The following ASAP2 variants were observed in gnomAD, a reference collection of about 807,000 sequenced individuals.
ASAP2 encodes arf-GAP with SH3 domain, ANK repeat and PH domain-containing protein 2.
In ASAP2, 45 loss-of-function variants were observed where a neutral mutation model predicts 131.4. That is an observed-to-expected ratio of 0.34 (90% CI 0.27 to 0.44). The LOEUF (loss-of-function observed/expected upper bound fraction) is 0.44, where lower values mean the gene tolerates loss of function less well. Among genes scored for constraint, ASAP2 ranks in the 20% least tolerant of loss-of-function variants. ASAP2 has a pLI of 1.00. For synonymous variants in ASAP2, 510 were observed against 503.0 expected (o/e 1.01, Z -0.19); for missense variants, 1,011 against 1,297.0 (o/e 0.78, Z 3.39).
intron 6 of ASAP2, 91 bp from the exon 7 acceptor site, chr2:9,327,732 AAAG>A (rs1158648681): frequency 1.1e-6 from 1 of 882,724 alleles, no homozygotes; most frequent in Non-Finnish European, 1.7e-6. Context: ...AAAAGATGCC[AAAG>A]AAGTAGAAGA....
chr2:9,234,192 T>C (rs1450020439), intron 1 of ASAP2, among the ~76,000 whole-genome samples: 1 of 150,842 alleles, frequency 6.6e-6, no homozygotes, highest in Non-Finnish European at 1.5e-5. Flanking sequence ...AGCAGAGAAG[T>C]CACAAAGCCT....
chr2:9,338,048 C>T (rs1405875315), intron 9 of ASAP2, among the ~76,000 whole-genome samples: 1 of 152,204 alleles, frequency 6.6e-6, no homozygotes, highest in African/African-American at 2.4e-5. Flanking sequence ...CCGTCAGCCT[C>T]GCCTCCTGCC....
intron 5 of ASAP2, among the ~76,000 whole-genome samples, chr2:9,322,832 G>A (rs1022027185): frequency 6.6e-6 from 1 of 152,176 alleles, no homozygotes. Flanking sequence ...GGCTCTGAAT[G>A]CTGATGCCAA....
rs1676936367 is a variant in ASAP2 at position 9,403,584 on chromosome 2, A to G, written c.*257A>G. 2.1e-6 allele frequency: 1 copy of G among 483,032 alleles called. No individual in the cohort carries two copies. The allele number at this position is 483,032 out of a possible 1,614,324, so 29.9% of individuals were successfully genotyped here. On this transcript the variant is annotated 3_prime_UTR_variant, in exon 28 of 28. Transcript: ENST00000281419. ...AACAGGTGAACTGAAAAGTTATTTTAACTATTATACATAATCAAGATCCTG... is the reference window on the plus strand; with the variant it reads ...AACAGGTGAACTGAAAAGTTATTTTGACTATTATACATAATCAAGATCCTG...
intron 1 of ASAP2, among the ~76,000 whole-genome samples, chr2:9,279,005 G>A (rs10192759): frequency 0.097 from 14,734 of 152,226 alleles, 739 homozygotes; most frequent in Admixed American, 0.13. Context: ...AATTCACTTC[G>A]CTGCAGAGGG....
intron 7 of ASAP2, among the ~76,000 whole-genome samples, chr2:9,329,837 C>T (rs964395356): frequency 6.6e-6 from 1 of 152,176 alleles, no homozygotes; most frequent in African/African-American, 2.4e-5. Flanking sequence ...TCCTTTGTGC[C>T]CTCCCTGTCT....
At chr2:9,263,016 G>T (rs1465131447) in intron 1 of ASAP2, among the ~76,000 whole-genome samples, 1 of 152,214 alleles carries the variant, frequency 6.6e-6, no homozygotes, top group African/African-American at 2.4e-5. Flanking sequence ...CTGGGAAGAT[G>T]TGGAAGGCTG....
chr2:9,247,242 C>T (rs920015930), intron 1 of ASAP2, among the ~76,000 whole-genome samples: 1 of 152,182 alleles, frequency 6.6e-6, no homozygotes, highest in East Asian at 1.9e-4. Flanking sequence ...ATTGGGGTGG[C>T]AGCAGCTGGA....
intron 1 of ASAP2, among the ~76,000 whole-genome samples, chr2:9,212,994 G>T (rs937433465): frequency 3.3e-5 from 5 of 152,254 alleles, no homozygotes; most frequent in Admixed American, 6.5e-5. Flanking sequence ...AAATTAGTCT[G>T]GGTGGGGCTT....
Position 9,207,015 on chromosome 2 carries a change from G to C in ASAP2, c.-90G>C. ...CGCGGGCCGGAGCGGCGGCGGCAGC[G>C]GCGGTGTCCGAGCGGCGGTCGGAGC... is the stretch of plus-strand genomic sequence containing the variant. On this transcript the variant is annotated 5_prime_UTR_variant, in exon 1 of 28. Transcript: ENST00000281419. The surrounding 1 kb of genome is among the most constrained non-coding windows in gnomAD (Gnocchi z 4.1). The C allele has an allele frequency of 2.7e-6, 3 of 1,104,930 alleles. No homozygotes were observed. Among genetic ancestry groups the C allele is most frequent in the Non-Finnish European group, 3.3e-6 (3 of 902,942 alleles). The allele number at this position is 1,104,930 out of a possible 1,614,324, so 68.4% of individuals were successfully genotyped here. A position where few individuals can be genotyped will look rare whatever the true frequency, so the allele number is the denominator to read the frequency against.
chr2:9,388,931 T>C (rs1261941775), intron 22 of ASAP2, among the ~76,000 whole-genome samples: 1 of 152,188 alleles, frequency 6.6e-6, no homozygotes, highest in Non-Finnish European at 1.5e-5. Flanking sequence ...TTATTTCTCT[T>C]CTGCCTTCAT....
At chr2:9,366,018 T>A (rs1282883435) in intron 15 of ASAP2, among the ~76,000 whole-genome samples, 2 of 152,170 alleles carry the variant, frequency 1.3e-5, no homozygotes, top group Non-Finnish European at 2.9e-5. Context: ...AAGCAGGAGA[T>A]GCCAGGGCTC....
chr2:9,344,852 G>A (rs1671855961), intron 11 of ASAP2, 52 bp downstream of exon 11: 4 of 1,517,794 alleles, frequency 2.6e-6, no homozygotes, highest in Non-Finnish European at 3.7e-6. Flanking sequence ...TGAGGTTGGT[G>A]TTGGAGGACT....
intron 11 of ASAP2, among the ~76,000 whole-genome samples, chr2:9,349,358 C>T (rs1235709663): frequency 2.0e-5 from 3 of 152,116 alleles, no homozygotes; most frequent in South Asian, 2.1e-4. Flanking sequence ...ACACAGGCTA[C>T]GTATGGGTGG....
Position 9,241,768 on chromosome 2 carries a change from C to T in ASAP2, c.126+34538C>T, listed in dbSNP as rs1347226829. Among the ~76,000 whole-genome samples, 3 of 152,164 alleles carry T rather than the reference C, an allele frequency of 2.0e-5. No homozygotes were observed. In the East Asian group the frequency reaches 5.8e-4, roughly 29 times the overall value. On this transcript the variant is annotated intron_variant, in intron 1 of 27. Coordinates refer to ENST00000281419, the MANE Select transcript of ASAP2 (RefSeq NM_003887.3). ...CCAACATTAGTGAGTATATGCCAGA[C>T]ACTGTGCTAAGTCAAGGAAAGCGAG... is the stretch of plus-strand genomic sequence containing the variant.
intron 1 of ASAP2, among the ~76,000 whole-genome samples, chr2:9,234,458 G>A (rs1169359952): frequency 3.3e-5 from 5 of 152,174 alleles, no homozygotes; most frequent in South Asian, 2.1e-4. Flanking sequence ...ATGGCGGCGC[G>A]TGGCCTTGCA....
At chr2:9,352,232 CACACACACACACACAA>C (rs1672393628) in intron 12 of ASAP2, among the ~76,000 whole-genome samples, 5 of 151,312 alleles carry the variant, frequency 3.3e-5, no homozygotes, top group African/African-American at 1.2e-4. Context: ...CACACACACA[CACACACACACACACAA>C]ACACACACAC....
intron 15 of ASAP2, among the ~76,000 whole-genome samples, chr2:9,359,120 CAGG>C (rs904684505): frequency 2.0e-5 from 3 of 152,288 alleles, no homozygotes; most frequent in African/African-American, 7.2e-5. Context: ...GAAACCAAAA[CAGG>C]AGCATTGAGA....
intron 24 of ASAP2, among the ~76,000 whole-genome samples, chr2:9,395,900 C>T (rs1414035219): frequency 6.6e-6 from 1 of 151,886 alleles, no homozygotes. Context: ...AGCCACTGTG[C>T]CCAGCCCATC....
Sources: gnomAD v4.1 joint callset for allele counts (sites outside exome capture counted in the v4.1 genomes callset) on GRCh38, gnomAD v4.1.1 for gene constraint, Gnocchi (gnomAD v3.1) non-coding constraint, MANE v1.5 for transcripts, NCBI Gene and HGNC (gene_info 2026-07-23, HGNC 2026-07-21) for gene names.